The following CC2D2A variants were observed in gnomAD, a reference collection of about 807,000 sequenced individuals.
CC2D2A encodes coiled-coil and C2 domain containing 2A, also known as coiled-coil and C2 domain-containing protein 2A.
A neutral mutation model predicts 212.9 loss-of-function variants in CC2D2A; 155 were observed. The observed-to-expected ratio is 0.73, with a 90% CI of 0.64 to 0.83. The LOEUF is 0.83. Ranked by LOEUF, CC2D2A falls within the 40% of genes least tolerant of loss-of-function variation. The probability of loss-of-function intolerance (pLI) is 0.00; values close to 1 mark genes in which losing one functional copy is unlikely to be tolerated. For synonymous variants in CC2D2A, 667 were observed against 686.5 expected (o/e 0.97, Z 0.44); for missense variants, 1,856 against 1,956.2 (o/e 0.95, Z 0.97).
At chr4:15,545,480 G>A (rs1718663562) in intron 17 of CC2D2A, among the ~76,000 whole-genome samples, 1 of 152,036 alleles carries the variant, frequency 6.6e-6, no homozygotes, top group Non-Finnish European at 1.5e-5. Context: ...AGGATATAAG[G>A]GAGAGCTACA....
In CC2D2A at chr4:15,560,531, G is replaced by A. The variant is rs1440957482; in HGVS notation, c.2923G>A (p.Val975Ile). 2 of 1,446,246 alleles carry A rather than the reference G, an allele frequency of 1.4e-6. No homozygotes were observed. Among genetic ancestry groups the A allele is most frequent in the East Asian group, 2.3e-5 (1 of 42,726 alleles). 89.6% of individuals were successfully genotyped at this position (1,446,246 alleles called of 1,614,324 possible). Residue 975 changes from valine (V) to isoleucine (I), a missense_variant and splice_region_variant, in exon 23 of 37, where the codon GTT becomes ATT. Val to Ile is a conservative substitution (Grantham distance 29). Coordinates refer to ENST00000424120, the MANE Select transcript of CC2D2A (RefSeq NM_001378615.1). ...RAIVAKYLQQ[V>I]RESVINRFLI... ...TAAATAAGCTGATTTCTTTCCCCAG[G>A]TTAGAGAATCAGTGATAAATCGTTT...
intron 6 of CC2D2A, among the ~76,000 whole-genome samples, chr4:15,505,024 CAG>C (rs1322286820): frequency 3.3e-5 from 5 of 152,170 alleles, no homozygotes; most frequent in Middle Eastern, 3.2e-3. Flanking sequence ...CTCTATAAAA[CAG>C]GGGTAATTCC....
chr4:15,581,319 C>G (rs901435348), intron 30 of CC2D2A, among the ~76,000 whole-genome samples: 1 of 152,168 alleles, frequency 6.6e-6, no homozygotes, highest in African/African-American at 2.4e-5. Flanking sequence ...CAGTAGAGAA[C>G]ACTTAAGAGT....
intron 18 of CC2D2A, among the ~76,000 whole-genome samples, chr4:15,551,320 T>G (rs1420368665): frequency 6.6e-6 from 1 of 152,216 alleles, no homozygotes. Context: ...TACATCACAG[T>G]GTTGTTCATA....
At chr4:15,585,175 C>T (rs1020456706) in intron 30 of CC2D2A, among the ~76,000 whole-genome samples, 21 of 152,102 alleles carry the variant, frequency 1.4e-4, no homozygotes, top group African/African-American at 5.1e-4. Flanking sequence ...ATCAGTATAT[C>T]GAAGAAGTAT....
intron 17 of CC2D2A, among the ~76,000 whole-genome samples, chr4:15,542,627 T>C (rs889898266): frequency 6.6e-6 from 1 of 152,160 alleles, no homozygotes; most frequent in Non-Finnish European, 1.5e-5. Flanking sequence ...TAATAAAATA[T>C]TTACATACTC....
chr4:15,577,713 A>G (rs1007740984), intron 29 of CC2D2A, among the ~76,000 whole-genome samples: 1 of 151,538 alleles, frequency 6.6e-6, no homozygotes, highest in Admixed American at 6.6e-5. Context: ...CTTTAGACAC[A>G]CTTTTTTTTT....
chr4:15,571,884 A>G lies in CC2D2A; in HGVS notation c.3594+1388A>G, dbSNP rs567502494. Among the ~76,000 whole-genome samples the G allele has an allele frequency of 1.6e-4, 24 of 152,324 alleles. No homozygotes were observed. In the East Asian group the frequency reaches 4.6e-3, roughly 29 times the overall value. The stretch of plus-strand genomic sequence containing the variant: ...GAAGGTATTCAGAAATAATTACTCT[A>G]AACTCCTTGACAAGTGAATTTCCTT... On this transcript the variant is annotated intron_variant, in intron 28 of 36. Coordinates refer to ENST00000424120, the MANE Select transcript of CC2D2A (RefSeq NM_001378615.1).
chr4:15,514,492 A>G (rs1036829272), intron 8 of CC2D2A, among the ~76,000 whole-genome samples: 1 of 152,254 alleles, frequency 6.6e-6, no homozygotes, highest in Non-Finnish European at 1.5e-5. Context: ...TGATTTTGAC[A>G]TCTTCCAGGT....
chr4:15,510,521 A>G (rs1170588178), intron 7 of CC2D2A, among the ~76,000 whole-genome samples: 1 of 152,208 alleles, frequency 6.6e-6, no homozygotes, highest in African/African-American at 2.4e-5. Context: ...ACTTGAGCCC[A>G]TGAGGTCGAA....
intron 30 of CC2D2A, among the ~76,000 whole-genome samples, chr4:15,585,420 A>G (rs1404211707): frequency 6.6e-6 from 1 of 152,198 alleles, no homozygotes; most frequent in Non-Finnish European, 1.5e-5. Context: ...GATCTCATGC[A>G]TATGTGGAAA....
intron 4 of CC2D2A, chr4:15,482,399 G>C: frequency 1.5e-6 from 1 of 660,022 alleles, no homozygotes; most frequent in African/African-American, 2.0e-5. Context: ...ATTTTCTCAT[G>C]GCTCTGAAGG....
At chr4:15,524,367 G>A (rs986522888) in intron 11 of CC2D2A, among the ~76,000 whole-genome samples, 8 of 151,792 alleles carry the variant, frequency 5.3e-5, no homozygotes, top group Admixed American at 2.6e-4. Flanking sequence ...TCCTGACCTC[G>A]TGATCCACCC....
At chr4:15,496,590 A>G (rs1715628711) in intron 4 of CC2D2A, among the ~76,000 whole-genome samples, 1 of 152,164 alleles carries the variant, frequency 6.6e-6, no homozygotes, top group East Asian at 1.9e-4. Flanking sequence ...CGCAAGCGAT[A>G]TGATTCTATA....
At chr4:15,579,626 C>T (rs1347626120) in intron 29 of CC2D2A, among the ~76,000 whole-genome samples, 1 of 152,286 alleles carries the variant, frequency 6.6e-6, no homozygotes, top group East Asian at 1.9e-4. Flanking sequence ...CATCAAAATA[C>T]ACACAAAACT....
intron 30 of CC2D2A, 61 bp from the exon 31 acceptor site, chr4:15,586,096 G>T (rs1720845095): frequency 9.0e-7 from 1 of 1,107,694 alleles, no homozygotes; most frequent in African/African-American, 1.5e-5. Flanking sequence ...AAATGAGGTA[G>T]GGGATGCAGC....
chr4:15,591,529 AT>A (rs369141742), intron 33 of CC2D2A, among the ~76,000 whole-genome samples: 17 of 151,976 alleles, frequency 1.1e-4, no homozygotes, highest in African/African-American at 3.4e-4. Context: ...CCATCAACCT[AT>A]TTTTTTTAAG....
At chr4:15,485,684 C>T (rs1428774480) in intron 4 of CC2D2A, among the ~76,000 whole-genome samples, 1 of 152,116 alleles carries the variant, frequency 6.6e-6, no homozygotes, top group South Asian at 2.1e-4. Flanking sequence ...AGTAAGATAT[C>T]TCATTGTGGT....
rs182384627 is a variant in CC2D2A, at chr4:15,518,653, C to T, written c.1149+1897C>T. Among the ~76,000 whole-genome samples the T allele has an allele frequency of 3.3e-5, 5 of 152,384 alleles. No homozygotes were observed. The East Asian group carries it at 7.7e-4, about 23-fold the overall frequency. Reference sequence around the variant, plus strand: ...GCAAACTTCTGCCTGGGCATCCAGACATTTCCATACATCTAGGCAGAGGTT... The same window carrying T: ...GCAAACTTCTGCCTGGGCATCCAGATATTTCCATACATCTAGGCAGAGGTT... On this transcript the variant is annotated intron_variant, in intron 11 of 36. Transcript: ENST00000424120.
Sources: allele counts gnomAD v4.1 joint callset (sites outside exome capture counted in the v4.1 genomes callset), GRCh38; gene constraint gnomAD v4.1.1; transcripts MANE v1.5; gene names NCBI Gene and HGNC (gene_info 2026-07-23, HGNC 2026-07-21).